The following DGKB variants were observed in gnomAD, a reference collection of about 807,000 sequenced individuals.
DGKB encodes the protein diacylglycerol kinase beta, also known as 90 kDa diacylglycerol kinase.
Under a neutral mutation model 114.3 loss-of-function variants are expected in DGKB, and 67 were observed. The observed-to-expected ratio is 0.59, with a 90% CI of 0.48 to 0.72. DGKB has a LOEUF of 0.72. Among genes scored for constraint, DGKB ranks in the 30% least tolerant of loss-of-function variants. The pLI is 0.00. For missense variants in DGKB, 907 were observed against 975.2 expected, an observed-to-expected ratio of 0.93 and a Z score of 0.93; for synonymous variants, 398 against 323.1, an observed-to-expected ratio of 1.23 and a Z score of -2.49.
At chr7:14,200,762 G>A (rs907500107) in intron 23 of DGKB, among the ~76,000 whole-genome samples, 3 of 151,930 alleles carry the variant, frequency 2.0e-5, no homozygotes, top group East Asian at 1.9e-4. Flanking sequence ...TAAAAAAAAC[G>A]TAATGTAGCA....
intron 1 of DGKB, among the ~76,000 whole-genome samples, chr7:14,869,375 A>G (rs1353348541): frequency 6.6e-6 from 1 of 152,144 alleles, no homozygotes; most frequent in East Asian, 1.9e-4. Context: ...TTTCTTGTAT[A>G]TTTTAAAGCT....
At chr7:14,728,234 T>C (rs1830309590) in intron 5 of DGKB, among the ~76,000 whole-genome samples, 1 of 152,194 alleles carries the variant, frequency 6.6e-6, no homozygotes, top group African/African-American at 2.4e-5. Flanking sequence ...ATCTGAAATA[T>C]CTTCTGGACC....
chr7:14,544,496 CTTA>C (rs951384122), intron 20 of DGKB, among the ~76,000 whole-genome samples: 36 of 152,038 alleles, frequency 2.4e-4, no homozygotes, highest in African/African-American at 8.2e-4. Context: ...ACTTAAATTA[CTTA>C]TTAAGTTACA....
chr7:14,267,051 A>T (rs1475694271), intron 23 of DGKB, among the ~76,000 whole-genome samples: 3 of 152,226 alleles, frequency 2.0e-5, no homozygotes, highest in African/African-American at 7.2e-5. Context: ...GATGTTTGTG[A>T]ATGAATACAT....
At chr7:14,150,938 C>T (rs1320036074) in intron 25 of DGKB, among the ~76,000 whole-genome samples, 1 of 151,994 alleles carries the variant, frequency 6.6e-6, no homozygotes, top group African/African-American at 2.4e-5. Flanking sequence ...AGACAATATA[C>T]AAGCTCTGCC....
At chr7:14,682,153 G>A (rs1307475953) in intron 12 of DGKB, among the ~76,000 whole-genome samples, 1 of 152,022 alleles carries the variant, frequency 6.6e-6, no homozygotes, top group Non-Finnish European at 1.5e-5. Flanking sequence ...ACTAAAATAA[G>A]TTTACAATAA....
intron 1 of DGKB, among the ~76,000 whole-genome samples, chr7:14,849,102 A>G (rs1849010419): frequency 6.6e-6 from 1 of 152,100 alleles, no homozygotes; most frequent in Non-Finnish European, 1.5e-5. Flanking sequence ...CACACTTAAA[A>G]TTGATAATTA....
intron 4 of DGKB, among the ~76,000 whole-genome samples, chr7:14,742,266 A>G (rs1476297955): frequency 6.6e-6 from 1 of 152,152 alleles, no homozygotes; most frequent in Non-Finnish European, 1.5e-5. Flanking sequence ...CAATTAGGAG[A>G]TTGGCAAATG....
intron 1 of DGKB, among the ~76,000 whole-genome samples, chr7:14,848,482 G>T (rs1192180126): frequency 6.6e-6 from 1 of 152,160 alleles, no homozygotes; most frequent in African/African-American, 2.4e-5. Context: ...GTTAAGCTTA[G>T]AGCTAAGATA....
intron 23 of DGKB, among the ~76,000 whole-genome samples, chr7:14,216,029 G>C (rs1788902007): frequency 6.6e-6 from 1 of 152,070 alleles, no homozygotes; most frequent in Non-Finnish European, 1.5e-5. Flanking sequence ...GAACTTTAAA[G>C]AGTTGAAAAC....
intron 1 of DGKB, among the ~76,000 whole-genome samples, chr7:14,924,872 G>A (rs1202555021): frequency 1.3e-5 from 2 of 151,980 alleles, no homozygotes; most frequent in Non-Finnish European, 2.9e-5. Flanking sequence ...TATACTTACG[G>A]GGATTCCTCA....
intron 20 of DGKB, among the ~76,000 whole-genome samples, chr7:14,558,185 T>C (rs1191169798): frequency 1.3e-5 from 2 of 150,264 alleles, no homozygotes; most frequent in East Asian, 1.9e-4. Context: ...TATACATATG[T>C]ATACCTTCTG....
chr7:14,551,133 A>G (rs1008497438), intron 20 of DGKB, among the ~76,000 whole-genome samples: 1 of 152,172 alleles, frequency 6.6e-6, no homozygotes, highest in Non-Finnish European at 1.5e-5. Flanking sequence ...CACTGGCAGA[A>G]TAAGAGGCTC....
At chr7:14,541,324 A>C (rs983100573) in intron 20 of DGKB, among the ~76,000 whole-genome samples, 2 of 152,208 alleles carry the variant, frequency 1.3e-5, no homozygotes, top group Admixed American at 6.5e-5. Flanking sequence ...AGCACACTGA[A>C]GTGCTTCTAA....
chr7:14,801,739 T>C (rs984501334), intron 2 of DGKB, among the ~76,000 whole-genome samples: 3 of 152,026 alleles, frequency 2.0e-5, no homozygotes, highest in African/African-American at 7.2e-5. Context: ...CGCCAGCTTG[T>C]AGAAGGCACA....
chr7:14,852,935 G>C (rs968395265), intron 1 of DGKB, among the ~76,000 whole-genome samples: 1 of 152,056 alleles, frequency 6.6e-6, no homozygotes, highest in African/African-American at 2.4e-5. Context: ...ACTTTGTATT[G>C]AATTAGGAAT....
At chr7:14,673,599 T>G (rs1917549) in intron 12 of DGKB, among the ~76,000 whole-genome samples, 7 of 152,082 alleles carry the variant, frequency 4.6e-5, no homozygotes, top group African/African-American at 1.7e-4. Context: ...CTGTATATTG[T>G]ATTTATCAGC....
At chr7:14,297,733 G>T (rs897134191) in intron 23 of DGKB, among the ~76,000 whole-genome samples, 2 of 152,022 alleles carry the variant, frequency 1.3e-5, no homozygotes, top group East Asian at 1.9e-4. Flanking sequence ...AGAAATAAAG[G>T]GTATTCAGAT....
intron 2 of DGKB, among the ~76,000 whole-genome samples, chr7:14,761,254 A>G (rs1453416394): frequency 6.6e-6 from 1 of 152,122 alleles, no homozygotes; most frequent in Non-Finnish European, 1.5e-5. Context: ...CAATCTTCTA[A>G]AGATAAGGAT....
Sources: gnomAD v4.1 joint callset for allele counts (sites outside exome capture counted in the v4.1 genomes callset) on GRCh38, gnomAD v4.1.1 for gene constraint, MANE v1.5 for transcripts, NCBI Gene and HGNC (gene_info 2026-07-23, HGNC 2026-07-21) for gene names.